Variants in PLD1 observed in about 807,000 individuals in gnomAD.
The protein encoded by PLD1 is phospholipase D1, also known as choline phosphatase 1.
A neutral mutation model predicts 137.1 loss-of-function variants in PLD1; 112 were observed. The observed-to-expected ratio is 0.82, with a 90% CI of 0.70 to 0.96. The LOEUF is 0.96. Ranked by LOEUF, PLD1 falls within the 40% of genes least tolerant of loss-of-function variation. The probability of loss-of-function intolerance (pLI) is 0.00; values close to 1 mark genes in which losing one functional copy is unlikely to be tolerated. For synonymous variants in PLD1, 431 were observed against 454.7 expected (o/e 0.95, Z 0.66); for missense variants, 1,321 against 1,342.0 (o/e 0.98, Z 0.24).
intron 1 of PLD1, among the ~76,000 whole-genome samples, chr3:171,748,922 A>T (rs962896018): frequency 2.0e-5 from 3 of 151,006 alleles, no homozygotes; most frequent in African/African-American, 7.3e-5. Flanking sequence ...AAGTCCATAT[A>T]TTCCTACCTG....
chr3:171,745,051 C>T (rs991345066), intron 1 of PLD1, among the ~76,000 whole-genome samples: 2 of 152,204 alleles, frequency 1.3e-5, no homozygotes, highest in East Asian at 3.8e-4. Flanking sequence ...AAAACATCCT[C>T]GGCATTTGTT....
At chr3:171,735,021 T>C in intron 4 of PLD1, 51 bp from the exon 5 acceptor site, 1 of 1,027,296 alleles carries the variant, frequency 9.7e-7, no homozygotes, top group Middle Eastern at 2.1e-4. Context: ...ATTCTGTGAC[T>C]ATGACTTTAG....
At chr3:171,638,136 G>A (rs1735300581) in intron 23 of PLD1, among the ~76,000 whole-genome samples, 1 of 139,358 alleles carries the variant, frequency 7.2e-6, no homozygotes, top group Non-Finnish European at 1.5e-5. Flanking sequence ...AGTGAGCCAA[G>A]ATTGCGCCAC....
intron 1 of PLD1, among the ~76,000 whole-genome samples, chr3:171,784,530 A>T (rs541370241): frequency 6.6e-6 from 1 of 152,216 alleles, no homozygotes; most frequent in African/African-American, 2.4e-5. Flanking sequence ...CCAGTCTCTT[A>T]TCATTCCCCT....
At chr3:171,639,405 T>C (rs1277779467) in intron 23 of PLD1, among the ~76,000 whole-genome samples, 1 of 126,366 alleles carries the variant, frequency 7.9e-6, no homozygotes, top group African/African-American at 3.2e-5. Flanking sequence ...ATTATATATT[T>C]ATATATAATT....
chr3:171,725,949 T>C (rs1323816216), intron 7 of PLD1, 69 bp downstream of exon 7: 4 of 1,033,750 alleles, frequency 3.9e-6, no homozygotes, highest in Non-Finnish European at 6.1e-6. Context: ...CACCATGGCA[T>C]GCTGCTACGT....
chr3:171,611,815 C>T (rs1171038849), intron 25 of PLD1, among the ~76,000 whole-genome samples: 3 of 152,154 alleles, frequency 2.0e-5, no homozygotes, highest in Non-Finnish European at 4.4e-5. Flanking sequence ...TTAATTGGCT[C>T]ACGTCTGTAA....
intron 12 of PLD1, among the ~76,000 whole-genome samples, chr3:171,697,562 C>G (rs1197258722): frequency 9.9e-5 from 15 of 152,272 alleles, no homozygotes; most frequent in African/African-American, 3.4e-4. Context: ...CTCTGCATCC[C>G]AGCTGCAACT....
In PLD1 at chr3:171,639,819, T is replaced by C. The variant is rs1735573322; in HGVS notation, c.2593+3021A>G. ...AGGCTGAGAAGTTATATTTACATAA[T>C]TTCTCTCTCTCTCTCTCTCTCTCTC... On this transcript the variant is annotated intron_variant, in intron 23 of 26. Coordinates refer to ENST00000351298, the MANE Select transcript of PLD1 (RefSeq NM_002662.5). 5.3e-5 allele frequency among the ~76,000 whole-genome samples: 6 copies of C among 113,372 alleles called. No homozygotes were observed. The Admixed American group carries it at 6.5e-4, about 12-fold the overall frequency. 74.4% of individuals were successfully genotyped at this position (113,372 alleles called of 152,430 possible).
intron 1 of PLD1, among the ~76,000 whole-genome samples, chr3:171,738,947 GC>G (rs1270116625): frequency 1.3e-5 from 2 of 152,148 alleles, no homozygotes; most frequent in Non-Finnish European, 2.9e-5. Flanking sequence ...TTAAAACCAG[GC>G]CCTAGAATGG....
At chr3:171,699,716 A>G (rs758773337) in intron 12 of PLD1, 29 bp downstream of exon 12, 2 of 1,501,206 alleles carry the variant, frequency 1.3e-6, no homozygotes, top group Non-Finnish European at 1.9e-6. Context: ...TTAAAAAATT[A>G]TATCAGCATT....
chr3:171,717,469 T>C (rs573149252), intron 8 of PLD1, among the ~76,000 whole-genome samples: 52 of 152,194 alleles, frequency 3.4e-4, no homozygotes, highest in Non-Finnish European at 6.3e-4. Context: ...TTTGTGGAAA[T>C]TGTGAATGGG....
At chr3:171,710,507 A>G (rs1259728124) in intron 9 of PLD1, among the ~76,000 whole-genome samples, 3 of 152,178 alleles carry the variant, frequency 2.0e-5, no homozygotes, top group Non-Finnish European at 2.9e-5. Flanking sequence ...TGCAATCCAC[A>G]ATAGGGTTCG....
Position 171,808,815 on chromosome 3 carries a change from A to ATTTTTTTTTTTTTTTT in PLD1, c.-32+1568_-32+1583dup, listed in dbSNP as rs60146546. On this transcript the variant is annotated intron_variant, in intron 1 of 26. Coordinates refer to ENST00000351298, the MANE Select transcript of PLD1 (RefSeq NM_002662.5). The stretch of plus-strand genomic sequence containing the variant: ...TTTTTCCTCAAAGCCTTAGCATTCA[A>ATTTTTTTTTTTTTTTT]TTTTTTTTTTTTTTTTTTTTTTTTT... Among the ~76,000 whole-genome samples the ATTTTTTTTTTTTTTTT allele has an allele frequency of 4.8e-3, 410 of 86,212 alleles. 36 individuals carry two copies. Among genetic ancestry groups the ATTTTTTTTTTTTTTTT allele is most frequent in the Middle Eastern group, 0.012 (1 of 82 alleles). 56.6% of individuals were successfully genotyped at this position (86,212 alleles called of 152,430 possible). A position where few individuals can be genotyped will look rare whatever the true frequency, so the allele number is the denominator to read the frequency against.
intron 23 of PLD1, among the ~76,000 whole-genome samples, chr3:171,630,264 T>C (rs926200962): frequency 1.3e-5 from 2 of 151,320 alleles, no homozygotes; most frequent in African/African-American, 4.9e-5. Flanking sequence ...CATGAAAAAA[T>C]GCTCACCATC....
At chr3:171,621,753 T>A (rs1229823084) in intron 23 of PLD1, among the ~76,000 whole-genome samples, 2 of 152,190 alleles carry the variant, frequency 1.3e-5, no homozygotes, top group Non-Finnish European at 2.9e-5. Flanking sequence ...TTGCAATTTA[T>A]TCCCCCATTT....
chr3:171,709,779 T>C, intron 9 of PLD1, 70 bp from the exon 10 acceptor site: 1 of 1,358,378 alleles, frequency 7.4e-7, no homozygotes, highest in East Asian at 2.4e-5. Context: ...TTTTATTTGG[T>C]AATATACCAA....
At chr3:171,772,286 G>C (rs1722399366) in intron 1 of PLD1, among the ~76,000 whole-genome samples, 1 of 152,126 alleles carries the variant, frequency 6.6e-6, no homozygotes, top group Non-Finnish European at 1.5e-5. Flanking sequence ...CAATAACCAA[G>C]GTTTTTGAAC....
At chr3:171,615,303 A>G (rs1210786617) in intron 24 of PLD1, among the ~76,000 whole-genome samples, 1 of 152,238 alleles carries the variant, frequency 6.6e-6, no homozygotes, top group Non-Finnish European at 1.5e-5. Flanking sequence ...CTTTTACTCT[A>G]TAAGCATCCT....
Sources: gnomAD v4.1 joint callset for allele counts (sites outside exome capture counted in the v4.1 genomes callset) on GRCh38, gnomAD v4.1.1 for gene constraint, MANE v1.5 for transcripts, NCBI Gene and HGNC (gene_info 2026-07-23, HGNC 2026-07-21) for gene names.